MEI1: variants seen among roughly 807,000 people sequenced by gnomAD.
The protein encoded by MEI1 is meiosis inhibitor protein 1.
MEI1 carries 103 observed loss-of-function variants against 146.2 expected under a neutral mutation model. The ratio of observed to expected loss-of-function variants is 0.70; its 90% CI spans 0.60 to 0.83. MEI1 has a LOEUF of 0.83. Among genes scored for constraint, MEI1 ranks in the 40% least tolerant of loss-of-function variants. The probability of loss-of-function intolerance (pLI) is 0.00; values close to 1 mark genes in which losing one functional copy is unlikely to be tolerated. For missense variants in MEI1, 1,529 were observed against 1,533.0 expected (o/e 1.00, Z 0.04); for synonymous variants, 652 against 628.2 (o/e 1.04, Z -0.57).
At chr22:41,740,743 A>AAAACAT (rs1188015709) in intron 11 of MEI1, among the ~76,000 whole-genome samples, 42 of 152,162 alleles carry the variant, frequency 2.8e-4, no homozygotes, top group Admixed American at 2.8e-3. Flanking sequence ...AACAAAAACA[A>AAAACAT]AAACAAAAAC....
chr22:41,772,850 C>G (rs761443051), intron 20 of MEI1, among the ~76,000 whole-genome samples: 1 of 152,120 alleles, frequency 6.6e-6, no homozygotes, highest in East Asian at 1.9e-4. Context: ...CTGCACCACC[C>G]CTGACCTCTC....
At chr22:41,770,649 A>G in intron 19 of MEI1, 37 bp from the exon 20 acceptor site, 1 of 1,592,684 alleles carries the variant, frequency 6.3e-7, no homozygotes, top group Non-Finnish European at 8.6e-7. Context: ...GGTCCTCTGC[A>G]AGGTGTATTT....
chr22:41,798,225 G>GCACA (rs138708111), intron 30 of MEI1, among the ~76,000 whole-genome samples: 24,870 of 147,194 alleles, frequency 0.17, 2,898 homozygotes, highest in Admixed American at 0.36. Flanking sequence ...ATGGCCAGGT[G>GCACA]CACACACACA....
At chr22:41,761,674 C>A (rs2074506799) in intron 18 of MEI1, among the ~76,000 whole-genome samples, 1 of 152,108 alleles carries the variant, frequency 6.6e-6, no homozygotes. Flanking sequence ...ATAAGCTTGA[C>A]CATTTTAAAG....
chr22:41,765,652 A>G (rs895469237), intron 19 of MEI1, among the ~76,000 whole-genome samples: 3 of 151,964 alleles, frequency 2.0e-5, no homozygotes, highest in African/African-American at 7.2e-5. Context: ...TCTCATTTGC[A>G]TTCTCTCTCT....
chr22:41,796,253 T>TC (rs1381314555), intron 30 of MEI1, among the ~76,000 whole-genome samples: 1 of 152,088 alleles, frequency 6.6e-6, no homozygotes, highest in Non-Finnish European at 1.5e-5. Flanking sequence ...AGTGGCACGA[T>TC]CTTGGCTCAC....
chr22:41,720,558 G>C (rs2070676520), intron 6 of MEI1, among the ~76,000 whole-genome samples: 2 of 150,516 alleles, frequency 1.3e-5, no homozygotes, highest in African/African-American at 4.9e-5. Context: ...AGCCTACCGA[G>C]TAGCTGGGAC....
At chr22:41,750,912 T>G (rs17002651) in intron 15 of MEI1, among the ~76,000 whole-genome samples, 1,700 of 152,232 alleles carry the variant, frequency 0.011, 26 homozygotes, top group African/African-American at 0.039. Flanking sequence ...CCTGCCATAC[T>G]TCCGGACCCA....
chr22:41,713,931 A>C (rs1189197109), intron 3 of MEI1, 71 bp from the exon 4 acceptor site: 1 of 1,256,386 alleles, frequency 8.0e-7, no homozygotes, highest in East Asian at 2.5e-5. Flanking sequence ...CTGATTGAGT[A>C]GAAGGGCCAT....
At position 41,712,451 on chromosome 22, in the gene MEI1, G is replaced by A. The variant is rs189227167; in HGVS notation, c.350-1551G>A. Reference sequence around the variant, plus strand: ...GGGGTTTCACCGTGTTAGCCAGGATGGTCTTGATCTCCTGACCTCGTGATC... The same window carrying A: ...GGGGTTTCACCGTGTTAGCCAGGATAGTCTTGATCTCCTGACCTCGTGATC... On this transcript the variant is annotated intron_variant, in intron 3 of 30. Coordinates refer to ENST00000401548, the MANE Select transcript of MEI1 (RefSeq NM_152513.4). Among the ~76,000 whole-genome samples the A allele has an allele frequency of 1.2e-3, 182 of 151,604 alleles. 3 individuals carry two copies. The highest frequency in any genetic ancestry group is 6.6e-4 in the Non-Finnish European group (45 of 67,878).
At chr22:41,766,945 G>C (rs1429883122) in intron 19 of MEI1, among the ~76,000 whole-genome samples, 1 of 152,174 alleles carries the variant, frequency 6.6e-6, no homozygotes, top group Non-Finnish European at 1.5e-5. Flanking sequence ...GAGTTTAGAA[G>C]GCAGAACAGG....
intron 6 of MEI1, among the ~76,000 whole-genome samples, chr22:41,721,498 C>G (rs984420939): frequency 2.6e-5 from 4 of 151,742 alleles, no homozygotes; most frequent in African/African-American, 9.7e-5. Flanking sequence ...CCTGCCTTGG[C>G]CTCCCAAAGT....
intron 14 of MEI1, among the ~76,000 whole-genome samples, chr22:41,746,874 C>T (rs958450451): frequency 5.3e-5 from 8 of 152,112 alleles, no homozygotes; most frequent in Non-Finnish European, 8.8e-5. Flanking sequence ...TGACTTAACC[C>T]ACTAACAGTA....
At chr22:41,716,288 A>ATGT (rs2070144906) in intron 5 of MEI1, 142 bp downstream of exon 5, 3 of 559,214 alleles carry the variant, frequency 5.4e-6, no homozygotes, top group African/African-American at 1.9e-5. Context: ...TGCAAAATGT[A>ATGT]CTGTATGTCG....
chr22:41,748,063 G>A (rs1184083880), intron 14 of MEI1, 44 bp from the exon 15 acceptor site: 5 of 1,355,318 alleles, frequency 3.7e-6, no homozygotes, highest in Non-Finnish European at 5.3e-6. Context: ...TTCTTCAGAG[G>A]CTCAGTCCCC....
chr22:41,735,031 G>C (rs558039523), intron 11 of MEI1, among the ~76,000 whole-genome samples: 1 of 151,240 alleles, frequency 6.6e-6, no homozygotes, highest in African/African-American at 2.4e-5. Context: ...GCGTGATCTT[G>C]GCTCACTGCA....
chr22:41,792,647 G>A (rs2076218811), intron 26 of MEI1, among the ~76,000 whole-genome samples: 1 of 152,110 alleles, frequency 6.6e-6, no homozygotes, highest in Admixed American at 6.6e-5. Flanking sequence ...GGGTGGTTAT[G>A]GGGGTGATAA....
intron 16 of MEI1, among the ~76,000 whole-genome samples, chr22:41,752,880 T>A (rs940722581): frequency 6.6e-6 from 1 of 152,148 alleles, no homozygotes; most frequent in African/African-American, 2.4e-5. Flanking sequence ...TGGGTACCTG[T>A]CACATCAAAA....
At position 41,793,881 on chromosome 22, in the gene MEI1, A is replaced by G. The variant is rs766742512; in HGVS notation, c.3398A>G (p.Asp1133Gly). Residue 1133 changes from aspartate (D) to glycine (G), a missense_variant, in exon 27 of 31, where the codon GAC (aspartate) becomes GGC (glycine). This residue lies in a region of MEI1 where 313 missense variants were observed against 337.3 expected (regional missense o/e 0.93). Coordinates refer to ENST00000401548, the MANE Select transcript of MEI1 (RefSeq NM_152513.4). ...GTTGGCTGCCTGGAGGCCTTGCTTG[A>G]CTACCTGGATGCCCGGAGCCCAGAC... Reference protein sequence around the residue: ...ACVGCLEALLDYLDARSPDIA... With the variant: ...ACVGCLEALLGYLDARSPDIA... 6.8e-6 allele frequency: 11 copies of G among 1,611,262 alleles called. No individual in the cohort carries two copies. The highest frequency in any genetic ancestry group is 8.5e-6 in the Non-Finnish European group (10 of 1,179,518).
Sources: allele counts gnomAD v4.1 joint callset (sites outside exome capture counted in the v4.1 genomes callset), GRCh38; gene constraint gnomAD v4.1.1; regional missense constraint gnomAD v4.1.1; transcripts MANE v1.5; gene names NCBI Gene and HGNC (gene_info 2026-07-23, HGNC 2026-07-21).